Variants in LIMK2 observed in about 807,000 individuals in gnomAD.
LIMK2 encodes LIM domain kinase 2.
A neutral mutation model predicts 75.7 loss-of-function variants in LIMK2; 35 were observed. The observed-to-expected ratio is 0.46, with a 90% CI of 0.35 to 0.61. The LOEUF is 0.61. Among genes scored for constraint, LIMK2 ranks in the 20% least tolerant of loss-of-function variants. The pLI is 0.00. For missense variants in LIMK2, 623 were observed against 831.0 expected (o/e 0.75, Z 3.08); for synonymous variants, 301 against 319.2 (o/e 0.94, Z 0.61).
At chr22:31,248,204 C>T (rs1038084837) in intron 2 of LIMK2, among the ~76,000 whole-genome samples, 2 of 152,132 alleles carry the variant, frequency 1.3e-5, no homozygotes, top group Admixed American at 1.3e-4. Context: ...TTGTCTGCAG[C>T]GCCTGCCTGC....
chr22:31,229,535 G>A (rs1429031133), intron 2 of LIMK2, among the ~76,000 whole-genome samples: 1 of 152,134 alleles, frequency 6.6e-6, no homozygotes, highest in East Asian at 1.9e-4. Flanking sequence ...GGCCTGCTGG[G>A]AGGAGGACTC....
rs983246049 is a variant in LIMK2 at position 31,233,102 on chromosome 22, G to A, written c.116+7283G>A. On this transcript the variant is annotated intron_variant, in intron 2 of 15. Coordinates refer to ENST00000331728, the MANE Select transcript of LIMK2 (RefSeq NM_005569.4). ...TATGACCTCCCAAACTGCACTAAGG[G>A]TTGTATTAGAGAAAAGTGGATAAAG... Among the ~76,000 whole-genome samples the A allele has an allele frequency of 2.0e-4, 31 of 152,294 alleles. 2 individuals carry two copies. The highest frequency in any genetic ancestry group is 3.4e-3 in the Middle Eastern group (1 of 294).
intron 2 of LIMK2, among the ~76,000 whole-genome samples, chr22:31,248,205 G>A (rs919688565): frequency 3.3e-5 from 5 of 152,104 alleles, no homozygotes; most frequent in African/African-American, 4.8e-5. Context: ...TGTCTGCAGC[G>A]CCTGCCTGCA....
chr22:31,215,858 G>T (rs1048146722), intron 1 of LIMK2, among the ~76,000 whole-genome samples: 2 of 152,152 alleles, frequency 1.3e-5, no homozygotes, highest in Admixed American at 1.3e-4. Flanking sequence ...GCTTGCGTAT[G>T]ATAACATTAT....
At chr22:31,226,442 A>C (rs376497055) in intron 2 of LIMK2, among the ~76,000 whole-genome samples, 2 of 37,114 alleles carry the variant, frequency 5.4e-5, no homozygotes, top group South Asian at 1.7e-3. Context: ...ACCTCAAATG[A>C]TGCACCCACC....
rs957254480 is a variant in LIMK2, at chr22:31,276,368, C to T, written c.1772+1060C>T. On this transcript the variant is annotated intron_variant, in intron 15 of 15. Coordinates refer to ENST00000331728, the MANE Select transcript of LIMK2 (RefSeq NM_005569.4). ...TAACCAATATATCCCTCAACATTCT[C>T]CTCACCCCCAACTCCACCCTCCCAG... Among the ~76,000 whole-genome samples, 7 of 152,252 alleles carry T rather than the reference C, an allele frequency of 4.6e-5. No homozygotes were observed. In the South Asian group the frequency reaches 1.4e-3, roughly 32 times the overall value.
rs1320455558 is a variant in LIMK2 at position 31,258,333 on chromosome 22, G to A, written c.159G>A (p.Glu53=). The change falls in exon 3 of 16, where the codon GAG becomes GAA. Residue 53 remains glutamate (E), a synonymous_variant. Coordinates refer to ENST00000331728, the MANE Select transcript of LIMK2 (RefSeq NM_005569.4). ...CQDSLTNWYY[E]KDGKLYCPKD... ...ATTCCCTCACCAACTGGTACTATGA[G>A]AAGGATGGGAAGCTCTACTGCCCCA... The A allele has an allele frequency of 6.2e-7, 1 of 1,613,422 alleles. No individual in the cohort carries two copies. Among genetic ancestry groups the A allele is most frequent in the Non-Finnish European group, 8.5e-7 (1 of 1,179,562 alleles).
At chr22:31,261,649 TC>T (rs2048840946) in intron 5 of LIMK2, among the ~76,000 whole-genome samples, 1 of 151,848 alleles carries the variant, frequency 6.6e-6, no homozygotes, top group South Asian at 2.1e-4. Context: ...GCGCCTGTAA[TC>T]CCAGTTACTC....
chr22:31,251,998 G>T (rs753550589), intron 2 of LIMK2, among the ~76,000 whole-genome samples: 1 of 152,160 alleles, frequency 6.6e-6, no homozygotes, highest in Non-Finnish European at 1.5e-5. Flanking sequence ...ATCCAGCCAG[G>T]CCTTCCTCAG....
At chr22:31,258,241 G>T (rs749578308) in intron 2 of LIMK2, 50 bp from the exon 3 acceptor site, 21 of 1,542,622 alleles carry the variant, frequency 1.4e-5, no homozygotes, top group Admixed American at 1.9e-5. Context: ...AGCTTATGTG[G>T]CCTGGTTCCA....
At chr22:31,263,433 G>A (rs1013770578) in intron 7 of LIMK2, among the ~76,000 whole-genome samples, 3 of 152,174 alleles carry the variant, frequency 2.0e-5, no homozygotes, top group Admixed American at 6.5e-5. Context: ...TAAGATAAAG[G>A]TGGCTGTCTC....
chr22:31,276,894 G>A, intron 15 of LIMK2: 1 of 1,612,982 alleles, frequency 6.2e-7, no homozygotes, highest in Non-Finnish European at 8.5e-7. Flanking sequence ...AGGAGCTACG[G>A]AAGCACCTCA....
chr22:31,231,199 A>T (rs1425360417), intron 2 of LIMK2, among the ~76,000 whole-genome samples: 1 of 152,184 alleles, frequency 6.6e-6, no homozygotes, highest in Admixed American at 6.5e-5. Context: ...AAGAGCCCTC[A>T]CCCTGCCTGC....
intron 1 of LIMK2, among the ~76,000 whole-genome samples, chr22:31,215,824 A>G (rs1568979810): frequency 6.6e-6 from 1 of 152,218 alleles, no homozygotes; most frequent in Non-Finnish European, 1.5e-5. Flanking sequence ...AAAGAAAAAA[A>G]TTGATAAGAC....
intron 2 of LIMK2, among the ~76,000 whole-genome samples, chr22:31,235,948 CTG>C (rs1055598870): frequency 1.3e-5 from 2 of 152,212 alleles, no homozygotes; most frequent in Non-Finnish European, 2.9e-5. Context: ...CTTTTATTAT[CTG>C]TGTACTTTGG....
chr22:31,246,558 G>C (rs1346397462), intron 2 of LIMK2, among the ~76,000 whole-genome samples: 1 of 151,854 alleles, frequency 6.6e-6, no homozygotes, highest in Non-Finnish European at 1.5e-5. Flanking sequence ...AAAGTGCCTT[G>C]ACCTGTGCTC....
chr22:31,254,296 G>T (rs1409840291), intron 2 of LIMK2, among the ~76,000 whole-genome samples: 1 of 152,244 alleles, frequency 6.6e-6, no homozygotes, highest in Admixed American at 6.5e-5. Flanking sequence ...CATTGCAAGG[G>T]CGTAACAGAG....
intron 1 of LIMK2, among the ~76,000 whole-genome samples, chr22:31,222,081 C>CTT (rs200760397): frequency 2.0e-5 from 3 of 150,742 alleles, no homozygotes; most frequent in Admixed American, 1.3e-4. Context: ...TTTCTTTTTT[C>CTT]TTTTTTTTTG....
At chr22:31,235,139 G>A (rs1054576293) in intron 2 of LIMK2, among the ~76,000 whole-genome samples, 6 of 152,044 alleles carry the variant, frequency 3.9e-5, no homozygotes, top group Admixed American at 2.0e-4. Context: ...ATGGACTGTG[G>A]GGTTTTTGCC....
Sources: gnomAD v4.1 joint callset for allele counts (sites outside exome capture counted in the v4.1 genomes callset) on GRCh38, gnomAD v4.1.1 for gene constraint, MANE v1.5 for transcripts, NCBI Gene and HGNC (gene_info 2026-07-23, HGNC 2026-07-21) for gene names.